Variants in TCEA2 observed in about 807,000 individuals in gnomAD.
TCEA2 encodes the protein transcription elongation factor A protein 2.
A neutral mutation model predicts 40.8 loss-of-function variants in TCEA2; 21 were observed. That is an observed-to-expected ratio of 0.51 (90% confidence interval 0.36 to 0.74). The LOEUF (loss-of-function observed/expected upper bound fraction) is 0.74. Among genes scored for constraint, TCEA2 ranks in the 30% least tolerant of loss-of-function variants. TCEA2 has a pLI of 0.00. For synonymous variants in TCEA2, 165 were observed against 162.7 expected, an observed-to-expected ratio of 1.01 and a Z score of -0.11; for missense variants, 326 against 426.5, an observed-to-expected ratio of 0.76 and a Z score of 2.08.
At chr20:64,056,457 G>A (rs1387331814), upstream of TCEA2, among the ~76,000 whole-genome samples, 3 of 152,098 alleles carry the variant, frequency 2.0e-5, no homozygotes, top group Admixed American at 2.0e-4. Flanking sequence ...TGGGCTGGAG[G>A]GTCTGATGGA....
In TCEA2 at chr20:64,071,917, C is replaced by T; in HGVS notation, c.867C>T (p.Cys289=). 6.2e-6 allele frequency: 10 copies of T among 1,614,156 alleles called. No individual in the cohort carries two copies. Among genetic ancestry groups the T allele is most frequent in the Non-Finnish European group, 8.5e-6 (10 of 1,180,016 alleles). ...SDEPMTTFVV[C]NECGNRWKFC is the part of the protein sequence containing the mutation. ...AGCCCATGACCACCTTTGTTGTCTG[C>T]AACGAGTGTGGAAACCGCTGGAAGG... Residue 289 remains cysteine, a synonymous_variant, in exon 9 of 10, where the codon TGC becomes TGT. Transcript: ENST00000343484.
At chr20:64,069,527 G>C (rs760467173) in intron 5 of TCEA2, 36 bp downstream of exon 5, 1 of 1,604,422 alleles carries the variant, frequency 6.2e-7, no homozygotes, top group South Asian at 1.1e-5. Flanking sequence ...GACACCCGCT[G>C]TGGTTCACAG....
chr20:64,069,872 G>C (rs1356010700), intron 6 of TCEA2, 51 bp downstream of exon 6: 2 of 1,600,808 alleles, frequency 1.2e-6, no homozygotes, highest in Non-Finnish European at 1.7e-6. Flanking sequence ...GAGTCAGGAG[G>C]CTGCCTGGCC....
chr20:64,063,504 C>G, intron 1 of TCEA2, 120 bp downstream of exon 1: 1 of 1,181,356 alleles, frequency 8.5e-7, no homozygotes, highest in Non-Finnish European at 1.2e-6. Context: ...CCCTCCCCGG[C>G]AGAGACTAAC....
chr20:64,066,705 G>C (rs1350943672), intron 2 of TCEA2, among the ~76,000 whole-genome samples, 167 bp downstream of exon 2: 1 of 152,224 alleles, frequency 6.6e-6, no homozygotes, highest in Non-Finnish European at 1.5e-5. Flanking sequence ...GGCTCAGTGG[G>C]ACAGGGAGGG....
upstream of TCEA2, chr20:64,063,097 CGCGGGCGCG>C (rs1209039751): frequency 1.4e-5 from 4 of 288,458 alleles, no homozygotes; most frequent in South Asian, 1.5e-4. Context: ...TGGTCCAGAG[CGCGGGCGCG>C]GCGGGCGCGG....
At position 64,072,334 on chromosome 20, in the gene TCEA2, GT is replaced by G; in HGVS notation, c.*157del. 1 of 855,352 alleles carries G rather than the reference GT, an allele frequency of 1.2e-6. No homozygotes were observed. 53.0% of individuals were successfully genotyped at this position (855,352 alleles called of 1,614,324 possible). ...TGCCCTTTCCCCCTCATTATTAAATGTTTCTTTTTGCCATCTTGTTCTCCTC... is the reference window on the plus strand; with the variant it reads ...TGCCCTTTCCCCCTCATTATTAAATGTTCTTTTTGCCATCTTGTTCTCCTC... On this transcript the variant is annotated 3_prime_UTR_variant, in exon 10 of 10. Coordinates refer to ENST00000343484, the MANE Select transcript of TCEA2 (RefSeq NM_003195.6).
chr20:64,070,588 C>T lies in TCEA2; in HGVS notation c.772C>T (p.Leu258=), dbSNP rs775826255. The T allele has an allele frequency of 3.7e-6, 6 of 1,613,290 alleles. No homozygotes were observed. Among genetic ancestry groups the T allele is most frequent in the Non-Finnish European group, 5.1e-6 (6 of 1,179,714 alleles). The change falls in exon 8 of 10, where the codon CTG becomes TTG. Residue 258 remains leucine, a synonymous_variant. Coordinates refer to ENST00000343484, the MANE Select transcript of TCEA2 (RefSeq NM_003195.6). ...MARTGGTQTD[L]FTCGKCRKKN... is the part of the protein sequence containing the mutation. ...CCGCACTGGCGGCACGCAGACAGAC[C>T]TGTTCACCTGCGGCAAGTGCAGGAA...
At chr20:64,071,265 T>C (rs1351043558) in intron 8 of TCEA2, among the ~76,000 whole-genome samples, 3 of 151,974 alleles carry the variant, frequency 2.0e-5, no homozygotes, top group Non-Finnish European at 4.4e-5. Context: ...GGAGAATCAC[T>C]TGAACCCGGG....
intron 5 of TCEA2, 96 bp downstream of exon 5, chr20:64,069,587 A>G: frequency 6.4e-7 from 1 of 1,555,938 alleles, no homozygotes; most frequent in African/African-American, 1.3e-5. Context: ...CAGCGGGGTG[A>G]CTGTCCTCCC....
intron 6 of TCEA2, 186 bp downstream of exon 6, chr20:64,070,007 C>A: frequency 1.1e-6 from 1 of 886,052 alleles, no homozygotes; most frequent in Non-Finnish European, 1.8e-6. Flanking sequence ...AGCTGAAGGG[C>A]TGATTCTGTC....
At chr20:64,071,732 T>G in intron 8 of TCEA2, 138 bp from the exon 9 acceptor site, 2 of 928,158 alleles carry the variant, frequency 2.2e-6, no homozygotes, top group Non-Finnish European at 3.2e-6. Flanking sequence ...CTTTGGAAGG[T>G]TGGAGTCACG....
chr20:64,065,224 A>G (rs1342448382), intron 1 of TCEA2, among the ~76,000 whole-genome samples: 1 of 152,064 alleles, frequency 6.6e-6, no homozygotes, highest in Admixed American at 6.5e-5. Flanking sequence ...GGCTCTGGCT[A>G]TCACCTCAAG....
chr20:64,063,593 G>A (rs894366735), intron 1 of TCEA2: 30 of 608,640 alleles, frequency 4.9e-5, no homozygotes, highest in African/African-American at 9.7e-5. Context: ...CGCAACCCCG[G>A]CAGAGGCCGC....
At chr20:64,066,595 G>A in intron 2 of TCEA2, 57 bp downstream of exon 2, 1 of 1,585,032 alleles carries the variant, frequency 6.3e-7, no homozygotes, top group South Asian at 1.1e-5. Flanking sequence ...CCAGGGGATG[G>A]CAGTTCTGAG....
At chr20:64,067,178 T>C (rs1032274167) in intron 3 of TCEA2, among the ~76,000 whole-genome samples, 158 bp downstream of exon 3, 1 of 152,096 alleles carries the variant, frequency 6.6e-6, no homozygotes, top group African/African-American at 2.4e-5. Context: ...GCGCCCAGCT[T>C]GGGGCTGGCA....
upstream of TCEA2, chr20:64,062,618 C>T (rs1306074843): frequency 1.3e-5 from 2 of 152,322 alleles, no homozygotes; most frequent in African/African-American, 2.4e-5. Context: ...CCCCGCACTT[C>T]GCGAACCCCA....
rs770834378 is a variant in TCEA2 at position 64,066,991 on chromosome 20, C to G, written c.212C>G (p.Ser71Cys). The change falls in exon 3 of 10, where the codon TCT becomes TGT. Residue 71 changes from serine (S) to cysteine (C), a missense_variant. Coordinates refer to ENST00000343484, the MANE Select transcript of TCEA2 (RefSeq NM_003195.6). ...SDEEVIALAK[S>C]LIKSWKKLLD... The stretch of plus-strand genomic sequence containing the variant: ...GAGGAGGTCATTGCACTGGCCAAGT[C>G]TCTCATCAAGTCCTGGAAGAAGCTC... 6.2e-7 allele frequency: 1 copy of G among 1,613,636 alleles called. No individual in the cohort carries two copies. Among genetic ancestry groups the G allele is most frequent in the African/African-American group, 1.3e-5 (1 of 75,038 alleles).
upstream of TCEA2, among the ~76,000 whole-genome samples, chr20:64,060,486 C>T (rs2059540763): frequency 6.6e-6 from 1 of 152,216 alleles, no homozygotes; most frequent in Non-Finnish European, 1.5e-5. Context: ...CTGACCAGCT[C>T]CTTGGTCTGG....
Sources: gnomAD v4.1 joint callset for allele counts (sites outside exome capture counted in the v4.1 genomes callset) on GRCh38, gnomAD v4.1.1 for gene constraint, MANE v1.5 for transcripts, NCBI Gene and HGNC (gene_info 2026-07-23, HGNC 2026-07-21) for gene names.